Variants in SPMIP11 observed in about 807,000 individuals in gnomAD.
The protein encoded by SPMIP11 is sperm microtubule inner protein 11, also known as long intergenic non-protein coding RNA 935.
the SPMIP11 span, among the ~76,000 whole-genome samples, chr12:48,762,581 T>C: frequency 6.6e-6 from 1 of 151,128 alleles, no homozygotes. Context: ...TTGGTCAGGC[T>C]GGTCTTGAAC....
At chr12:48,768,456 C>T in the SPMIP11 span, 15 of 1,289,034 alleles carry the variant, frequency 1.2e-5, no homozygotes, top group African/African-American at 2.2e-4. Context: ...CCAAGCACAG[C>T]CTGCTGGGAT....
At chr12:48,737,514 A>C in the SPMIP11 span, among the ~76,000 whole-genome samples, 1 of 150,832 alleles carries the variant, frequency 6.6e-6, no homozygotes, top group Non-Finnish European at 1.5e-5. Flanking sequence ...TCCTGGGTTC[A>C]AGCGATTCTC....
At chr12:48,740,303 A>G in the SPMIP11 span, among the ~76,000 whole-genome samples, 2 of 151,994 alleles carry the variant, frequency 1.3e-5, no homozygotes, top group Admixed American at 6.6e-5. Flanking sequence ...TATAATATCT[A>G]TTTTTTCTCA....
the SPMIP11 span, among the ~76,000 whole-genome samples, chr12:48,755,638 G>C: frequency 3.7e-3 from 565 of 152,220 alleles, 5 homozygotes; most frequent in East Asian, 0.047. Context: ...ATCCAGGTGA[G>C]TGACACTGTC....
the SPMIP11 span, among the ~76,000 whole-genome samples, chr12:48,758,850 C>T: frequency 1.3e-5 from 2 of 152,232 alleles, no homozygotes; most frequent in African/African-American, 2.4e-5. Flanking sequence ...CACTATTAGA[C>T]CATTTGAAGT....
At chr12:48,756,287 T>C in the SPMIP11 span, among the ~76,000 whole-genome samples, 201 of 152,236 alleles carry the variant, frequency 1.3e-3, 1 homozygote, top group Non-Finnish European at 2.3e-3. Flanking sequence ...GCCTCGTTGC[T>C]ATAACCTGTG....
the SPMIP11 span, among the ~76,000 whole-genome samples, chr12:48,760,029 T>C: frequency 6.6e-6 from 1 of 152,112 alleles, no homozygotes; most frequent in Non-Finnish European, 1.5e-5. Context: ...ACTCCTGACC[T>C]CAGGTGATCC....
the SPMIP11 span, among the ~76,000 whole-genome samples, chr12:48,737,028 C>A: frequency 6.6e-6 from 1 of 151,824 alleles, no homozygotes; most frequent in Admixed American, 6.6e-5. Flanking sequence ...TGGCTCACTG[C>A]AACCTCTGCC....
At chr12:48,741,423 T>A in the SPMIP11 span, among the ~76,000 whole-genome samples, 1 of 152,114 alleles carries the variant, frequency 6.6e-6, no homozygotes, top group Non-Finnish European at 1.5e-5. Context: ...TTTTCTGATG[T>A]TTCTCATGAT....
the SPMIP11 span, among the ~76,000 whole-genome samples, chr12:48,729,789 T>A: frequency 6.6e-6 from 1 of 150,772 alleles, no homozygotes; most frequent in Non-Finnish European, 1.5e-5. Context: ...TGCAATTCCA[T>A]CAAAGAAGTT....
the SPMIP11 span, chr12:48,759,384 T>A: frequency 1.4e-6 from 1 of 697,900 alleles, no homozygotes; most frequent in Non-Finnish European, 2.6e-6. Flanking sequence ...TATGTCTGAG[T>A]TCCTAAAGAA....
the SPMIP11 span, chr12:48,765,745 T>C: frequency 2.9e-6 from 2 of 695,576 alleles, no homozygotes; most frequent in Non-Finnish European, 5.2e-6. Flanking sequence ...GGCTGACTAA[T>C]GGGAGGAGGA....
chr12:48,770,823 T>C, the SPMIP11 span: 3 of 1,614,112 alleles, frequency 1.9e-6, no homozygotes, highest in African/African-American at 1.3e-5. Context: ...ATCTGCTCCA[T>C]GAGCCGCATG....
At chr12:48,746,105 T>C in the SPMIP11 span, among the ~76,000 whole-genome samples, 8 of 152,084 alleles carry the variant, frequency 5.3e-5, no homozygotes, top group Non-Finnish European at 1.0e-4. Flanking sequence ...ATAAACAAGA[T>C]ACAAATTGTG....
the SPMIP11 span, among the ~76,000 whole-genome samples, chr12:48,742,372 C>T: frequency 6.6e-6 from 1 of 150,776 alleles, no homozygotes; most frequent in South Asian, 2.1e-4. Flanking sequence ...ACCTCCACCT[C>T]CCAGGTTCAA....
chr12:48,735,026 AGAGGAG>A, the SPMIP11 span, among the ~76,000 whole-genome samples: 3 of 146,152 alleles, frequency 2.1e-5, no homozygotes, highest in South Asian at 6.5e-4. Context: ...AAAAAAAAGA[AGAGGAG>A]GAGGAGGAGG....
the SPMIP11 span, among the ~76,000 whole-genome samples, chr12:48,738,722 G>C: frequency 1.3e-5 from 2 of 151,954 alleles, no homozygotes; most frequent in Non-Finnish European, 2.9e-5. Context: ...CAGAGCAAGT[G>C]ATCAGAAAGA....
chr12:48,734,155 A>G, the SPMIP11 span, among the ~76,000 whole-genome samples: 1 of 152,102 alleles, frequency 6.6e-6, no homozygotes, highest in Non-Finnish European at 1.5e-5. Flanking sequence ...CCCAGGCTAG[A>G]GTGCAATGAC....
the SPMIP11 span, among the ~76,000 whole-genome samples, chr12:48,732,713 T>C: frequency 1.3e-5 from 2 of 150,818 alleles, no homozygotes; most frequent in Admixed American, 1.3e-4. Context: ...GAGGTTGCAA[T>C]GAGCCTAGAT....
Sources: allele counts gnomAD v4.1 joint callset (sites outside exome capture counted in the v4.1 genomes callset), GRCh38; gene constraint gnomAD v4.1.1; transcripts MANE v1.5; gene names NCBI Gene and HGNC (gene_info 2026-07-23, HGNC 2026-07-21).